Variants in LRP1B observed in about 807,000 individuals in gnomAD.
The protein encoded by LRP1B is LDL receptor related protein 1B.
A neutral mutation model predicts 556.6 loss-of-function variants in LRP1B; 217 were observed. That is an observed-to-expected ratio of 0.39 (90% CI 0.35 to 0.44). LRP1B has a LOEUF of 0.44. Ranked by LOEUF, LRP1B falls within the 20% of genes least tolerant of loss-of-function variation. The probability of loss-of-function intolerance (pLI) is 1.00; values close to 1 mark genes in which losing one functional copy is unlikely to be tolerated. For missense variants in LRP1B, 5,053 were observed against 5,620.8 expected, an observed-to-expected ratio of 0.90 and a Z score of 3.23; for synonymous variants, 2,047 against 1,865.8, an observed-to-expected ratio of 1.10 and a Z score of -2.50.
At chr2:141,672,023 A>C (rs1690692059) in intron 2 of LRP1B, among the ~76,000 whole-genome samples, 1 of 152,172 alleles carries the variant, frequency 6.6e-6, no homozygotes. Context: ...TGATATAAAC[A>C]ATTAATGAAA....
At chr2:141,678,907 G>T (rs1221718100) in intron 2 of LRP1B, among the ~76,000 whole-genome samples, 2 of 152,094 alleles carry the variant, frequency 1.3e-5, no homozygotes, top group Non-Finnish European at 2.9e-5. Flanking sequence ...CTTGTATGTG[G>T]ATGGACCTAG....
At chr2:141,048,903 G>T (rs1698956702) in intron 11 of LRP1B, 83 bp downstream of exon 11, 1 of 1,047,916 alleles carries the variant, frequency 9.5e-7, no homozygotes, top group Non-Finnish European at 1.5e-6. Context: ...TCTGGTTAAA[G>T]CTAGTCTGAC....
At chr2:141,103,582 T>C (rs1323900594) in intron 7 of LRP1B, among the ~76,000 whole-genome samples, 1 of 143,530 alleles carries the variant, frequency 7.0e-6, no homozygotes. Context: ...AATTTTTCCA[T>C]AAAGAAATGT....
At chr2:141,062,390 T>G in intron 7 of LRP1B, 117 bp from the exon 8 acceptor site, 1 of 634,264 alleles carries the variant, frequency 1.6e-6, no homozygotes, top group South Asian at 2.0e-5. Context: ...TTACATCTGT[T>G]GGCTTCATAT....
At chr2:140,500,904 GT>G (rs1689157690) in intron 55 of LRP1B, among the ~76,000 whole-genome samples, 1 of 151,892 alleles carries the variant, frequency 6.6e-6, no homozygotes, top group South Asian at 2.1e-4. Flanking sequence ...GTTTATACTA[GT>G]TATGTCCTAT....
chr2:141,767,008 A>T (rs1694753446), intron 2 of LRP1B, among the ~76,000 whole-genome samples: 1 of 152,158 alleles, frequency 6.6e-6, no homozygotes, highest in African/African-American at 2.4e-5. Context: ...GAACATAACA[A>T]TTTTTTATTA....
intron 16 of LRP1B, among the ~76,000 whole-genome samples, chr2:140,990,560 TA>T (rs34990139): frequency 0.43 from 63,848 of 148,332 alleles, 14,347 homozygotes; most frequent in East Asian, 0.61. Context: ...CTGTATTACT[TA>T]AAAAAAAAAA....
chr2:141,645,281 A>G (rs1034841516), intron 2 of LRP1B, among the ~76,000 whole-genome samples: 3 of 152,072 alleles, frequency 2.0e-5, no homozygotes, highest in African/African-American at 7.2e-5. Flanking sequence ...TATGAACTAG[A>G]TGACCTTCAA....
chr2:141,251,701 G>A (rs1430203358), intron 4 of LRP1B, among the ~76,000 whole-genome samples: 1 of 152,030 alleles, frequency 6.6e-6, no homozygotes, highest in East Asian at 1.9e-4. Context: ...TGAAATGACA[G>A]CAAAACAAGC....
intron 1 of LRP1B, among the ~76,000 whole-genome samples, chr2:141,892,409 A>C (rs548639840): frequency 6.6e-6 from 1 of 152,040 alleles, no homozygotes. Context: ...TTTTTAAAAA[A>C]ACATGGAACT....
intron 18 of LRP1B, among the ~76,000 whole-genome samples, chr2:140,974,836 G>C (rs750214643): frequency 1.1e-4 from 16 of 152,176 alleles, no homozygotes; most frequent in Non-Finnish European, 2.2e-4. Flanking sequence ...AGAGACCAGT[G>C]GACCAACCTG....
At chr2:141,292,705 T>C (rs1184989760) in intron 3 of LRP1B, among the ~76,000 whole-genome samples, 1 of 152,126 alleles carries the variant, frequency 6.6e-6, no homozygotes, top group East Asian at 1.9e-4. Flanking sequence ...CAATTTTCAG[T>C]AGTGGGACAA....
intron 3 of LRP1B, among the ~76,000 whole-genome samples, chr2:141,470,060 TA>T (rs1301520006): frequency 6.6e-6 from 1 of 152,214 alleles, no homozygotes; most frequent in African/African-American, 2.4e-5. Context: ...TAAGATTGGG[TA>T]CCATCCACAG....
chr2:140,843,895 C>A (rs1314137873), intron 29 of LRP1B, among the ~76,000 whole-genome samples: 2 of 152,108 alleles, frequency 1.3e-5, no homozygotes, highest in African/African-American at 2.4e-5. Context: ...GCCCCTCTCC[C>A]CAGTTGCATA....
At chr2:141,287,250 T>C (rs2105400900) in intron 3 of LRP1B, among the ~76,000 whole-genome samples, 1 of 152,244 alleles carries the variant, frequency 6.6e-6, no homozygotes, top group Middle Eastern at 3.4e-3. Context: ...TCATTCTCAT[T>C]CTCCTCTTCT....
rs1223149413 is a variant in LRP1B, at chr2:140,665,740, T to A, written c.6799+34510A>T. Among the ~76,000 whole-genome samples the A allele has an allele frequency of 3.3e-5, 5 of 152,296 alleles. No homozygotes were observed. The East Asian group carries it at 9.7e-4, about 30-fold the overall frequency. On this transcript the variant is annotated intron_variant, in intron 41 of 90. Transcript: ENST00000389484. ...CCCTGAGAAGCAAGAAAACTGTGTATGTCATGTGGCCAACAGGATCCTAAA... is the reference window on the plus strand; with the variant it reads ...CCCTGAGAAGCAAGAAAACTGTGTAAGTCATGTGGCCAACAGGATCCTAAA...
intron 77 of LRP1B, among the ~76,000 whole-genome samples, chr2:140,336,389 T>TTG (rs1277519395): frequency 1.3e-5 from 1 of 76,126 alleles, no homozygotes; most frequent in Non-Finnish European, 2.7e-5. Flanking sequence ...GTTTAGTACT[T>TTG]TTTTTTTTTT....
chr2:140,929,235 TACAA>T (rs1694977195), intron 20 of LRP1B, among the ~76,000 whole-genome samples: 1 of 152,112 alleles, frequency 6.6e-6, no homozygotes, highest in Non-Finnish European at 1.5e-5. Flanking sequence ...TGTAGGCAGT[TACAA>T]ACAATGTCTT....
intron 31 of LRP1B, among the ~76,000 whole-genome samples, chr2:140,815,064 C>G (rs1054743168): frequency 6.6e-6 from 1 of 151,822 alleles, no homozygotes; most frequent in Non-Finnish European, 1.5e-5. Context: ...GGCATATACT[C>G]AAGCACACAA....
Sources: allele counts gnomAD v4.1 joint callset (sites outside exome capture counted in the v4.1 genomes callset), GRCh38; gene constraint gnomAD v4.1.1; transcripts MANE v1.5; gene names NCBI Gene and HGNC (gene_info 2026-07-23, HGNC 2026-07-21).